The following DYSF variants were observed in gnomAD, a reference collection of about 807,000 sequenced individuals.
DYSF encodes dystrophy-associated fer-1-like 1.
In DYSF, 212 loss-of-function variants were observed where a neutral mutation model predicts 274.9. The ratio of observed to expected loss-of-function variants is 0.77; its 90% confidence interval spans 0.69 to 0.86. DYSF has a LOEUF of 0.86. Among genes scored for constraint, DYSF ranks in the 40% least tolerant of loss-of-function variants. The pLI is 0.00. For synonymous variants in DYSF, 1,091 were observed against 1,078.7 expected (o/e 1.01, Z -0.22); for missense variants, 2,666 against 2,783.2 (o/e 0.96, Z 0.95).
chr2:71,520,998 CT>C, intron 12 of DYSF, 94 bp downstream of exon 12: 1 of 959,062 alleles, frequency 1.0e-6, no homozygotes, highest in East Asian at 2.6e-5. Flanking sequence ...ATTTTTTTTT[CT>C]GATTTAAACT....
At chr2:71,590,098 C>A in intron 31 of DYSF, 113 bp from the exon 32 acceptor site, 1 of 1,041,482 alleles carries the variant, frequency 9.6e-7, no homozygotes. Flanking sequence ...TTCCCTCATT[C>A]AGCCCCTCTG....
intron 1 of DYSF, among the ~76,000 whole-genome samples, chr2:71,478,682 C>G (rs75081261): frequency 1.3e-5 from 2 of 152,124 alleles, no homozygotes; most frequent in African/African-American, 2.4e-5. Flanking sequence ...GAGCTCCCCC[C>G]TCTCCCTGGA....
chr2:71,461,973 A>T (rs947510514), upstream of DYSF, among the ~76,000 whole-genome samples: 1 of 152,218 alleles, frequency 6.6e-6, no homozygotes, highest in Non-Finnish European at 1.5e-5. Context: ...AGACCCAGTG[A>T]GCTCTGGGCA....
chr2:71,486,151 G>A (rs74825622), intron 3 of DYSF, among the ~76,000 whole-genome samples: 3,896 of 152,070 alleles, frequency 0.026, 87 homozygotes, highest in Non-Finnish European at 0.036. Context: ...GCAGCCACCC[G>A]TTTTGTTTGT....
intron 13 of DYSF, 64 bp downstream of exon 13, chr2:71,526,410 GTGGGC>G: frequency 6.8e-7 from 1 of 1,463,008 alleles, no homozygotes; most frequent in South Asian, 1.2e-5. Flanking sequence ...GCTGGTGGGG[GTGGGC>G]GATGGCGGGC....
chr2:71,481,722 C>CCATCCATT (rs1553508732), intron 2 of DYSF, among the ~76,000 whole-genome samples, 157 bp from the exon 3 acceptor site: 3 of 151,838 alleles, frequency 2.0e-5, no homozygotes, highest in East Asian at 3.9e-4. Context: ...ATCCATCCAT[C>CCATCCATT]CATCCATGCT....
intron 16 of DYSF, 113 bp from the exon 17 acceptor site, chr2:71,539,044 C>T: frequency 2.2e-6 from 2 of 901,588 alleles, no homozygotes; most frequent in South Asian, 2.6e-5. Context: ...GAAGCGCTCT[C>T]TGCCTGCCCC....
intron 22 of DYSF, among the ~76,000 whole-genome samples, chr2:71,560,417 G>GCCCCAGCACAGGGCTCCGGCCCAGGCCCT (rs56170138): frequency 7.2e-6 from 1 of 138,786 alleles, no homozygotes; most frequent in African/African-American, 2.9e-5. Context: ...TCCCAGGCAG[G>GCCCCAGCACAGGGCTCCGGCCCAGGCCCT]CCCCCGCCCC....
intron 30 of DYSF, among the ~76,000 whole-genome samples, chr2:71,574,830 T>A (rs1558514812): frequency 6.6e-6 from 1 of 152,218 alleles, no homozygotes; most frequent in African/African-American, 2.4e-5. Flanking sequence ...CCTTAGAAGC[T>A]GAGCCCCAGG....
chr2:71,598,767 C>T (rs1341135437), intron 33 of DYSF, 22 bp downstream of exon 33: 6 of 1,607,692 alleles, frequency 3.7e-6, no homozygotes, highest in Admixed American at 3.3e-5. Context: ...CAGCTCCTGC[C>T]TCGTCCCCTC....
At chr2:71,560,031 G>T (rs2091620278) in intron 22 of DYSF, among the ~76,000 whole-genome samples, 1 of 152,230 alleles carries the variant, frequency 6.6e-6, no homozygotes, top group African/African-American at 2.4e-5. Context: ...GCCCTGCGCT[G>T]GGCCTACCTG....
intron 48 of DYSF, 33 bp from the exon 49 acceptor site, chr2:71,668,721 A>C: frequency 6.2e-7 from 1 of 1,603,060 alleles, no homozygotes; most frequent in South Asian, 1.1e-5. Context: ...TTAAATGAGA[A>C]GGGTGGGGAG....
rs540391217 is a variant in DYSF, at chr2:71,521,603, G to A, written c.1149+699G>A. Reference sequence around the variant, plus strand: ...GGGTGAGGTGAAGGTCAGGGGTGAGGTACCTGAATATGGCTGATGGCTTTG... The same window carrying A: ...GGGTGAGGTGAAGGTCAGGGGTGAGATACCTGAATATGGCTGATGGCTTTG... On this transcript the variant is annotated intron_variant, in intron 12 of 55. Coordinates refer to ENST00000410020, the MANE Select transcript of DYSF (RefSeq NM_001130987.2). Among the ~76,000 whole-genome samples the A allele has an allele frequency of 4.9e-4, 74 of 152,230 alleles. 2 individuals are homozygous for A. In the South Asian group the frequency reaches 0.015, roughly 31 times the overall value.
intron 45 of DYSF, among the ~76,000 whole-genome samples, chr2:71,662,538 G>C (rs979095200): frequency 2.7e-5 from 4 of 146,148 alleles, no homozygotes; most frequent in Non-Finnish European, 5.9e-5. Context: ...TCGTGTGTCT[G>C]TGTGGTGTGT....
chr2:71,483,920 G>T (rs937032397), intron 3 of DYSF, among the ~76,000 whole-genome samples: 4 of 152,026 alleles, frequency 2.6e-5, no homozygotes, highest in African/African-American at 9.7e-5. Flanking sequence ...GACAATGCCG[G>T]CGTTGACAGA....
At chr2:71,643,495 G>T (rs77977293) in intron 41 of DYSF, among the ~76,000 whole-genome samples, 3,243 of 152,248 alleles carry the variant, frequency 0.021, 102 homozygotes, top group Admixed American at 0.081. Context: ...AGGCAGATGG[G>T]CAGAATAGAT....
Position 71,664,442 on chromosome 2 carries a change from C to G in DYSF, c.5174+4C>G, listed in dbSNP as rs781575037. On this transcript the variant is annotated splice_donor_region_variant and intron_variant, in intron 46 of 55. Transcript: ENST00000410020. Reference sequence around the variant, plus strand: ...GACTCCCACAGACCTACTGTGTGTACGTGGATGGGGGCTGGCTGCCTGCTT... The same window carrying G: ...GACTCCCACAGACCTACTGTGTGTAGGTGGATGGGGGCTGGCTGCCTGCTT... 12 of 1,613,820 alleles carry G rather than the reference C, an allele frequency of 7.4e-6. No homozygotes were observed. Among genetic ancestry groups the G allele is most frequent in the Non-Finnish European group, 1.0e-5 (12 of 1,179,980 alleles).
intron 4 of DYSF, among the ~76,000 whole-genome samples, chr2:71,507,880 A>G (rs1160418828): frequency 6.6e-6 from 1 of 152,248 alleles, no homozygotes; most frequent in African/African-American, 2.4e-5. Flanking sequence ...CCGGGGCTCA[A>G]GTAGGCTCAA....
chr2:71,590,913 C>G (rs2093245102), intron 32 of DYSF, among the ~76,000 whole-genome samples: 1 of 152,192 alleles, frequency 6.6e-6, no homozygotes, highest in South Asian at 2.1e-4. Context: ...GGCCTTGCCC[C>G]TTTGTATCTA....
Sources: gnomAD v4.1 joint callset for allele counts (sites outside exome capture counted in the v4.1 genomes callset) on GRCh38, gnomAD v4.1.1 for gene constraint, MANE v1.5 for transcripts, NCBI Gene and HGNC (gene_info 2026-07-23, HGNC 2026-07-21) for gene names.